PPFIA2: variants seen among roughly 807,000 people sequenced by gnomAD.
The protein encoded by PPFIA2 is liprin-alpha-2.
A neutral mutation model predicts 175.5 loss-of-function variants in PPFIA2; 46 were observed. That is an observed-to-expected ratio of 0.26 (90% confidence interval 0.21 to 0.34). The LOEUF (loss-of-function observed/expected upper bound fraction) is 0.34, where lower values mean the gene tolerates loss of function less well. Among genes scored for constraint, PPFIA2 ranks in the 10% least tolerant of loss-of-function variants. The pLI is 1.00. For synonymous variants in PPFIA2, 568 were observed against 511.4 expected (o/e 1.11, Z -1.49); for missense variants, 1,179 against 1,506.1 (o/e 0.78, Z 3.60).
intron 4 of PPFIA2, among the ~76,000 whole-genome samples, chr12:81,611,143 G>C (rs2060863513): frequency 6.6e-6 from 1 of 152,064 alleles, no homozygotes; most frequent in Admixed American, 6.5e-5. Context: ...TCTGCTCTCG[G>C]GCCTTGTGGG....
At chr12:81,657,242 A>G (rs2067937582) in intron 4 of PPFIA2, among the ~76,000 whole-genome samples, 1 of 152,228 alleles carries the variant, frequency 6.6e-6, no homozygotes, top group South Asian at 2.1e-4. Context: ...GGGAAAGGGA[A>G]GAATCCCAAG....
Position 81,494,360 on chromosome 12 carries a change from C to T in PPFIA2, c.304-36494G>A, listed in dbSNP as rs1266777612. 2.0e-5 allele frequency among the ~76,000 whole-genome samples: 3 copies of T among 152,170 alleles called. No individual in the cohort carries two copies. The East Asian group carries it at 5.8e-4, about 29-fold the overall frequency. ...ATGAAAAAATGCTCACCATCACTGG[C>T]CATCAGAGAAATGCAAATCAAAACC... On this transcript the variant is annotated intron_variant, in intron 4 of 32. Coordinates refer to ENST00000549396, the MANE Select transcript of PPFIA2 (RefSeq NM_003625.5).
At chr12:81,627,679 A>G (rs1416709964) in intron 4 of PPFIA2, among the ~76,000 whole-genome samples, 1 of 152,190 alleles carries the variant, frequency 6.6e-6, no homozygotes, top group Non-Finnish European at 1.5e-5. Context: ...CATTCTGACA[A>G]TAATGCTAAG....
intron 4 of PPFIA2, among the ~76,000 whole-genome samples, chr12:81,652,628 T>C (rs12819424): frequency 0.32 from 48,582 of 151,916 alleles, 10,314 homozygotes; most frequent in African/African-American, 0.61. Flanking sequence ...ATACATTTTC[T>C]TCCTGACAGC....
chr12:81,752,958 G>A lies in PPFIA2; in HGVS notation c.249+1015C>T, dbSNP rs954272329. On this transcript the variant is annotated intron_variant, in intron 3 of 32. Coordinates refer to ENST00000549396, the MANE Select transcript of PPFIA2 (RefSeq NM_003625.5). Reference sequence around the variant, plus strand: ...CTTTTCATTTTTTTTTTTTTTGGAGGTGGAGTCTCTTTCTGTCCCAGGCTG... The same window carrying A: ...CTTTTCATTTTTTTTTTTTTTGGAGATGGAGTCTCTTTCTGTCCCAGGCTG... Among the ~76,000 whole-genome samples the A allele has an allele frequency of 4.7e-5, 7 of 148,430 alleles. No individual in the cohort carries two copies. The South Asian group carries it at 6.4e-4, about 13-fold the overall frequency.
chr12:81,284,090 A>C, intron 25 of PPFIA2, 151 bp downstream of exon 25: 1 of 631,662 alleles, frequency 1.6e-6, no homozygotes, highest in Middle Eastern at 2.6e-4. Flanking sequence ...AGAGTGCAGT[A>C]AAAGAAAACT....
chr12:81,604,297 A>C (rs931356594), intron 4 of PPFIA2, among the ~76,000 whole-genome samples: 3 of 151,774 alleles, frequency 2.0e-5, no homozygotes, highest in Non-Finnish European at 4.4e-5. Context: ...TCAGGACATA[A>C]GAGGTAACTG....
At chr12:81,733,032 T>A (rs1302496870) in intron 3 of PPFIA2, among the ~76,000 whole-genome samples, 1 of 151,546 alleles carries the variant, frequency 6.6e-6, no homozygotes, top group Non-Finnish European at 1.5e-5. Context: ...CTTAGTTACG[T>A]CTGGCCTTGT....
At chr12:81,595,679 C>A (rs1015067371) in intron 4 of PPFIA2, among the ~76,000 whole-genome samples, 1 of 152,116 alleles carries the variant, frequency 6.6e-6, no homozygotes, top group Non-Finnish European at 1.5e-5. Flanking sequence ...CAATGAAGAG[C>A]AAGGTCTTGT....
chr12:81,621,182 G>A (rs1408537347), intron 4 of PPFIA2, among the ~76,000 whole-genome samples: 1 of 152,112 alleles, frequency 6.6e-6, no homozygotes, highest in Non-Finnish European at 1.5e-5. Flanking sequence ...GGTGAGAAAG[G>A]GAGTCATAGA....
At chr12:81,436,705 A>G (rs2049117651) in intron 7 of PPFIA2, among the ~76,000 whole-genome samples, 1 of 152,204 alleles carries the variant, frequency 6.6e-6, no homozygotes, top group Admixed American at 6.5e-5. Flanking sequence ...TTCATTTTGA[A>G]ATATCAATTT....
intron 4 of PPFIA2, among the ~76,000 whole-genome samples, chr12:81,565,208 C>G (rs1319309185): frequency 6.6e-6 from 1 of 152,138 alleles, no homozygotes; most frequent in Non-Finnish European, 1.5e-5. Flanking sequence ...CTGCCTGAGG[C>G]AACAGTGATG....
At chr12:81,661,492 G>A (rs1417545552) in intron 4 of PPFIA2, among the ~76,000 whole-genome samples, 1 of 152,162 alleles carries the variant, frequency 6.6e-6, no homozygotes. Context: ...TCAACAAGAA[G>A]AGCTAACTAT....
chr12:81,316,525 G>C (rs2052398165), intron 22 of PPFIA2, among the ~76,000 whole-genome samples: 1 of 151,584 alleles, frequency 6.6e-6, no homozygotes, highest in East Asian at 1.9e-4. Flanking sequence ...TTATTTATTA[G>C]GGAACATTCA....
rs777805183 is a variant in PPFIA2, at chr12:81,263,217, C to A, written c.3715+14G>T. ...GCTTTTTGCTTGATAAGCAGCAATG[C>A]AAAACTACTGTACCATCTGTTGTCA... On this transcript the variant is annotated intron_variant, in intron 31 of 32. Transcript: ENST00000549396. 2 of 1,586,080 alleles carry A rather than the reference C, an allele frequency of 1.3e-6. No homozygotes were observed. The highest frequency in any genetic ancestry group is 1.7e-4 in the Middle Eastern group (1 of 5,996).
chr12:81,362,973 TA>T (rs2031509638), intron 14 of PPFIA2, among the ~76,000 whole-genome samples, 189 bp from the exon 15 acceptor site: 1 of 151,612 alleles, frequency 6.6e-6, no homozygotes, highest in Admixed American at 6.6e-5. Flanking sequence ...CAGAAATTAA[TA>T]AAAATTTATC....
chr12:81,267,178 T>G, intron 29 of PPFIA2, 158 bp from the exon 30 acceptor site: 1 of 595,564 alleles, frequency 1.7e-6, no homozygotes. Context: ...TTGTAAATTT[T>G]AACTACAAAA....
chr12:81,627,740 T>G (rs2062885949), intron 4 of PPFIA2, among the ~76,000 whole-genome samples: 1 of 152,196 alleles, frequency 6.6e-6, no homozygotes, highest in Non-Finnish European at 1.5e-5. Flanking sequence ...GCAGAGGTTT[T>G]TCCTTGGAAT....
At chr12:81,392,458 C>G (rs1210762268) in intron 8 of PPFIA2, among the ~76,000 whole-genome samples, 1 of 151,818 alleles carries the variant, frequency 6.6e-6, no homozygotes, top group Non-Finnish European at 1.5e-5. Context: ...CTGCAAGCAG[C>G]TATAACATTG....
Sources: gnomAD v4.1 joint callset for allele counts (sites outside exome capture counted in the v4.1 genomes callset) on GRCh38, gnomAD v4.1.1 for gene constraint, MANE v1.5 for transcripts, NCBI Gene and HGNC (gene_info 2026-07-23, HGNC 2026-07-21) for gene names.